SPAG16: variants seen among roughly 807,000 people sequenced by gnomAD.
SPAG16 encodes sperm associated antigen 16, also known as sperm-associated antigen 16 protein.
A neutral mutation model predicts 80.4 loss-of-function variants in SPAG16; 86 were observed. The observed-to-expected ratio is 1.07, with a 90% CI of 0.90 to 1.28. The LOEUF is 1.28. Ranked by LOEUF, SPAG16 falls within the 50% of genes most tolerant of loss-of-function variation. The probability of loss-of-function intolerance (pLI) is 0.00; values close to 1 mark genes in which losing one functional copy is unlikely to be tolerated. For missense variants in SPAG16, 870 were observed against 765.3 expected (o/e 1.14, Z -1.61); for synonymous variants, 294 against 265.9 (o/e 1.11, Z -1.03).
At chr2:214,320,599 A>C (rs1696024724) in intron 15 of SPAG16, among the ~76,000 whole-genome samples, 1 of 152,212 alleles carries the variant, frequency 6.6e-6, no homozygotes, top group Non-Finnish European at 1.5e-5. Context: ...ATCATGGCAG[A>C]AGGTGAAGGG....
intron 15 of SPAG16, among the ~76,000 whole-genome samples, chr2:214,383,511 C>A (rs562406102): frequency 6.8e-6 from 1 of 146,966 alleles, no homozygotes; most frequent in Non-Finnish European, 1.5e-5. Context: ...ACAGAGGTTG[C>A]GGTGAGCCAA....
At chr2:213,696,742 G>A (rs116041455) in intron 10 of SPAG16, among the ~76,000 whole-genome samples, 131 of 152,270 alleles carry the variant, frequency 8.6e-4, no homozygotes, top group Middle Eastern at 3.4e-3. Flanking sequence ...TGGTCTGGAG[G>A]GGTGTCATTT....
At chr2:214,294,208 T>C (rs1693985277) in intron 15 of SPAG16, among the ~76,000 whole-genome samples, 1 of 152,196 alleles carries the variant, frequency 6.6e-6, no homozygotes, top group Non-Finnish European at 1.5e-5. Flanking sequence ...GTTTCTAGGC[T>C]CGTGGGTGCC....
At chr2:214,398,136 T>A (rs1434099506) in intron 15 of SPAG16, among the ~76,000 whole-genome samples, 1 of 152,078 alleles carries the variant, frequency 6.6e-6, no homozygotes, top group Non-Finnish European at 1.5e-5. Flanking sequence ...GTGGACAGAG[T>A]CTGCCTCAGT....
At chr2:214,235,710 T>A (rs953473319) in intron 15 of SPAG16, among the ~76,000 whole-genome samples, 10 of 152,214 alleles carry the variant, frequency 6.6e-5, no homozygotes, top group African/African-American at 2.4e-4. Context: ...ACTTTTTACA[T>A]CTTCATGCCC....
chr2:214,312,851 C>G (rs563181388), intron 15 of SPAG16, among the ~76,000 whole-genome samples: 1 of 152,044 alleles, frequency 6.6e-6, no homozygotes, highest in Non-Finnish European at 1.5e-5. Flanking sequence ...TGGACTTTCC[C>G]TTTCTTGCTT....
intron 15 of SPAG16, among the ~76,000 whole-genome samples, chr2:214,168,011 G>A (rs1310345322): frequency 2.0e-5 from 2 of 102,280 alleles, no homozygotes; most frequent in South Asian, 5.8e-4. Context: ...TTTTTTTTGA[G>A]ATAGAGTCTT....
At chr2:214,334,821 T>C (rs775052377) in intron 15 of SPAG16, among the ~76,000 whole-genome samples, 1 of 152,238 alleles carries the variant, frequency 6.6e-6, no homozygotes, top group Non-Finnish European at 1.5e-5. Flanking sequence ...TCAAGAGCTC[T>C]TTGTACAACA....
At chr2:213,656,592 T>C (rs994880758) in intron 10 of SPAG16, among the ~76,000 whole-genome samples, 49 of 152,368 alleles carry the variant, frequency 3.2e-4, no homozygotes, top group African/African-American at 1.2e-3. Context: ...ATTTATGTCA[T>C]GTTCATTTTG....
intron 15 of SPAG16, among the ~76,000 whole-genome samples, chr2:214,192,072 C>T (rs186082205): frequency 5.4e-4 from 82 of 152,096 alleles, no homozygotes; most frequent in Middle Eastern, 3.4e-3. Flanking sequence ...GAGTTTACCA[C>T]AAAGGTTGAA....
At chr2:213,964,480 GT>G (rs1324547320) in intron 12 of SPAG16, among the ~76,000 whole-genome samples, 2 of 151,960 alleles carry the variant, frequency 1.3e-5, no homozygotes, top group Admixed American at 6.6e-5. Context: ...TTGAAATATA[GT>G]TTTTCTGGAC....
intron 12 of SPAG16, among the ~76,000 whole-genome samples, chr2:213,949,742 A>G (rs1416342629): frequency 6.6e-6 from 1 of 152,234 alleles, no homozygotes; most frequent in Non-Finnish European, 1.5e-5. Flanking sequence ...ATGAAAGCAC[A>G]TTTTAGTCTG....
At chr2:213,981,620 A>G (rs945178604) in intron 12 of SPAG16, among the ~76,000 whole-genome samples, 1 of 152,096 alleles carries the variant, frequency 6.6e-6, no homozygotes, top group African/African-American at 2.4e-5. Context: ...TAGCGTACCT[A>G]TAGGTGGACT....
At chr2:213,897,575 T>G (rs1269493362) in intron 11 of SPAG16, among the ~76,000 whole-genome samples, 1 of 151,184 alleles carries the variant, frequency 6.6e-6, no homozygotes. Context: ...ATCTTTAAGC[T>G]ATCTTATTTT....
chr2:214,390,793 A>G (rs1701035289), intron 15 of SPAG16, among the ~76,000 whole-genome samples: 1 of 152,170 alleles, frequency 6.6e-6, no homozygotes, highest in East Asian at 1.9e-4. Flanking sequence ...GGAGAGCAAG[A>G]TCAATGTCAC....
intron 5 of SPAG16, among the ~76,000 whole-genome samples, chr2:213,329,072 C>T (rs2063967003): frequency 6.6e-6 from 1 of 152,160 alleles, no homozygotes; most frequent in Non-Finnish European, 1.5e-5. Flanking sequence ...TGAGGCCTCC[C>T]CAGCCAAGTG....
At chr2:214,044,408 G>T (rs182954612) in intron 13 of SPAG16, among the ~76,000 whole-genome samples, 4 of 152,094 alleles carry the variant, frequency 2.6e-5, no homozygotes, top group African/African-American at 9.7e-5. Flanking sequence ...CTGAAGTCAC[G>T]TCCACCCCTG....
At position 214,301,298 on chromosome 2, in the gene SPAG16, CA is replaced by C. The variant is rs548924541; in HGVS notation, c.1721-108830del. Reference sequence around the variant, plus strand: ...ATAAAAACCCTCAAAATCTAGGCATCAAAAAAAAAAAACTACCTCAAAATAA... The same window carrying C: ...ATAAAAACCCTCAAAATCTAGGCATCAAAAAAAAAAACTACCTCAAAATAA... On this transcript the variant is annotated intron_variant, in intron 15 of 15. Coordinates refer to ENST00000331683, the MANE Select transcript of SPAG16 (RefSeq NM_024532.5). Among the ~76,000 whole-genome samples the C allele has an allele frequency of 8.8e-3, 1,209 of 137,030 alleles. 8 individuals are homozygous for C. The highest frequency in any genetic ancestry group is 0.025 in the African/African-American group (931 of 37,782). The allele number at this position is 137,030 out of a possible 152,430, so 89.9% of individuals were successfully genotyped here. A position where few individuals can be genotyped will look rare whatever the true frequency, so the allele number is the denominator to read the frequency against.
At chr2:213,326,025 G>A (rs2063825965) in intron 5 of SPAG16, among the ~76,000 whole-genome samples, 1 of 151,750 alleles carries the variant, frequency 6.6e-6, no homozygotes, top group Admixed American at 6.6e-5. Flanking sequence ...TTATTTTCTT[G>A]GGAATGTAAC....
Sources: gnomAD v4.1 joint callset for allele counts (sites outside exome capture counted in the v4.1 genomes callset) on GRCh38, gnomAD v4.1.1 for gene constraint, MANE v1.5 for transcripts, NCBI Gene and HGNC (gene_info 2026-07-23, HGNC 2026-07-21) for gene names.